The following FMN1 variants were observed in gnomAD, a reference collection of about 807,000 sequenced individuals.
FMN1 encodes the protein formin 1.
In FMN1, 110 loss-of-function variants were observed where a neutral mutation model predicts 132.4. That is an observed-to-expected ratio of 0.83 (90% confidence interval 0.71 to 0.97). The LOEUF is 0.97. FMN1 is among the 50% of genes least tolerant of loss of function. The probability of loss-of-function intolerance (pLI) is 0.00; values close to 1 mark genes in which losing one functional copy is unlikely to be tolerated. For missense variants in FMN1, 1,792 were observed against 1,705.3 expected (o/e 1.05, Z -0.90); for synonymous variants, 722 against 651.7 (o/e 1.11, Z -1.64).
intron 4 of FMN1, among the ~76,000 whole-genome samples, chr15:33,140,165 T>C (rs1249256083): frequency 1.3e-5 from 2 of 150,720 alleles, no homozygotes; most frequent in African/African-American, 4.9e-5. Flanking sequence ...ATTTATTTTG[T>C]CCCTATGCAA....
At chr15:32,889,129 T>C (rs1477338681) in intron 15 of FMN1, among the ~76,000 whole-genome samples, 3 of 152,190 alleles carry the variant, frequency 2.0e-5, no homozygotes, top group Non-Finnish European at 4.4e-5. Context: ...ATTCTTCATA[T>C]ATTTGAAAAG....
At chr15:33,008,767 A>G (rs906664442) in intron 6 of FMN1, among the ~76,000 whole-genome samples, 144 of 152,322 alleles carry the variant, frequency 9.5e-4, no homozygotes, top group Non-Finnish European at 3.1e-4. Flanking sequence ...TGCAGCTGTC[A>G]AGACAACTTT....
rs959893261 is a variant in FMN1, at chr15:32,773,262, A to C, written c.*1048T>G. On this transcript the variant is annotated 3_prime_UTR_variant, in exon 21 of 21. Coordinates refer to ENST00000616417, the MANE Select transcript of FMN1 (RefSeq NM_001277313.2). ...TGCCCTTCAGTTTTTTTGACATTAAAGAGTCCTGCTTCATCCTACTTCACA... is the reference window on the plus strand; with the variant it reads ...TGCCCTTCAGTTTTTTTGACATTAACGAGTCCTGCTTCATCCTACTTCACA... The C allele has an allele frequency of 5.3e-5, 8 of 152,152 alleles. No individual in the cohort carries two copies. The highest frequency in any genetic ancestry group is 1.9e-4 in the African/African-American group (8 of 41,416). The allele number at this position is 152,152 out of a possible 1,614,324, so 9.4% of individuals were successfully genotyped here.
chr15:32,881,404 T>G (rs2059766752), intron 16 of FMN1, among the ~76,000 whole-genome samples: 1 of 152,144 alleles, frequency 6.6e-6, no homozygotes, highest in Admixed American at 6.5e-5. Context: ...TTTCCAAAAT[T>G]TTGTGGTTCT....
chr15:33,044,669 C>T (rs1270606700), intron 6 of FMN1, among the ~76,000 whole-genome samples: 1 of 151,990 alleles, frequency 6.6e-6, no homozygotes, highest in Non-Finnish European at 1.5e-5. Flanking sequence ...GCTACCCACC[C>T]CAGGGTCACC....
intron 6 of FMN1, among the ~76,000 whole-genome samples, chr15:33,016,903 G>C (rs540582834): frequency 6.6e-6 from 1 of 152,278 alleles, no homozygotes; most frequent in East Asian, 1.9e-4. Flanking sequence ...CCCCAAGCCA[G>C]TTTTCTACAC....
chr15:33,192,893 G>A (rs1966126416), intron 2 of FMN1, among the ~76,000 whole-genome samples: 1 of 152,132 alleles, frequency 6.6e-6, no homozygotes, highest in African/African-American at 2.4e-5. Flanking sequence ...GAGACAGGTA[G>A]TATTATCCCT....
intron 15 of FMN1, among the ~76,000 whole-genome samples, chr15:32,898,172 A>G (rs916671014): frequency 1.3e-5 from 2 of 152,220 alleles, no homozygotes; most frequent in Admixed American, 1.3e-4. Context: ...TTATGCTTAC[A>G]TGGATGGTTA....
At chr15:32,910,127 A>G (rs148499643) in intron 11 of FMN1, among the ~76,000 whole-genome samples, 135 of 152,352 alleles carry the variant, frequency 8.9e-4, no homozygotes, top group African/African-American at 3.1e-3. Context: ...TAGCAGTCCC[A>G]TTCTTCAGAA....
intron 16 of FMN1, among the ~76,000 whole-genome samples, chr15:32,872,413 G>A (rs1035522016): frequency 2.0e-5 from 3 of 152,208 alleles, no homozygotes; most frequent in African/African-American, 4.8e-5. Context: ...TAGCTAGAAC[G>A]CCTCACTCCT....
intron 19 of FMN1, among the ~76,000 whole-genome samples, chr15:32,785,220 T>TATATATATA (rs1567163233): frequency 1.9e-4 from 5 of 26,242 alleles, no homozygotes; most frequent in African/African-American, 5.2e-4. Context: ...ATATATATAT[T>TATATATATA]TTTTTTTTTT....
intron 5 of FMN1, among the ~76,000 whole-genome samples, chr15:33,071,611 A>G (rs1179048631): frequency 6.6e-6 from 1 of 152,210 alleles, no homozygotes; most frequent in Non-Finnish European, 1.5e-5. Context: ...TCTAATAGTA[A>G]TAGCTAGACC....
chr15:33,004,516 C>G (rs1447647288), intron 7 of FMN1, among the ~76,000 whole-genome samples: 1 of 152,098 alleles, frequency 6.6e-6, no homozygotes, highest in Non-Finnish European at 1.5e-5. Flanking sequence ...GTTAGAATGG[C>G]GATCATTAAA....
chr15:32,802,637 T>C (rs2057518133), intron 18 of FMN1, among the ~76,000 whole-genome samples: 1 of 152,208 alleles, frequency 6.6e-6, no homozygotes, highest in Non-Finnish European at 1.5e-5. Flanking sequence ...ACAGAGCTAA[T>C]GCACGGCAGC....
chr15:32,786,630 A>G (rs74011974), intron 19 of FMN1, among the ~76,000 whole-genome samples: 1,820 of 152,342 alleles, frequency 0.012, 34 homozygotes, highest in African/African-American at 0.041. Context: ...CATCAGGGAA[A>G]TGGCTTCCTT....
chr15:32,840,569 T>G (rs973260235), intron 17 of FMN1, among the ~76,000 whole-genome samples: 8 of 152,246 alleles, frequency 5.3e-5, no homozygotes, highest in Non-Finnish European at 1.2e-4. Context: ...TTTTAGAGCA[T>G]GTGGGATTCC....
At position 32,888,310 on chromosome 15, in the gene FMN1, C is replaced by T. The variant is rs772830817; in HGVS notation, c.3715-18G>A. The T allele has an allele frequency of 1.2e-5, 19 of 1,586,776 alleles. 1 individual carries two copies. The highest frequency in any genetic ancestry group is 1.5e-5 in the Non-Finnish European group (18 of 1,168,138). ...CCAGCTTCCTAAGAGATATGGTAAA[C>T]AAAAGTACATTATACTTCCCAATTG... On this transcript the variant is annotated intron_variant, in intron 15 of 20. Coordinates refer to ENST00000616417, the MANE Select transcript of FMN1 (RefSeq NM_001277313.2).
At chr15:33,127,684 C>T (rs1418124824) in intron 4 of FMN1, among the ~76,000 whole-genome samples, 4 of 152,146 alleles carry the variant, frequency 2.6e-5, no homozygotes, top group Admixed American at 6.5e-5. Flanking sequence ...GCTGTGAAAC[C>T]CTCTTTGGAC....
rs79428874 is a variant in FMN1, at chr15:32,962,804, A to C, written c.3138+1303T>G. Among the ~76,000 whole-genome samples the C allele has an allele frequency of 2.8e-3, 421 of 151,614 alleles. 2 individuals carry two copies. The highest frequency in any genetic ancestry group is 9.1e-3 in the East Asian group (47 of 5,146). On this transcript the variant is annotated intron_variant, in intron 9 of 20. Transcript: ENST00000616417. ...AAAACCACAATGAGATACCATCTCA[A>C]ACCAGTTAGAATGGCAATCATTAAA...
Sources: allele counts gnomAD v4.1 joint callset (sites outside exome capture counted in the v4.1 genomes callset), GRCh38; gene constraint gnomAD v4.1.1; transcripts MANE v1.5; gene names NCBI Gene and HGNC (gene_info 2026-07-23, HGNC 2026-07-21).